The following ROBO1 variants were observed in gnomAD, a reference collection of about 807,000 sequenced individuals.
ROBO1 encodes roundabout guidance receptor 1.
In ROBO1, 149 loss-of-function variants were observed where a neutral mutation model predicts 195.9. The observed-to-expected ratio is 0.76, with a 90% CI of 0.67 to 0.87. The LOEUF is 0.87. ROBO1 is among the 40% of genes least tolerant of loss of function. The pLI is 0.00. For missense variants in ROBO1, 1,933 were observed against 2,068.3 expected (o/e 0.93, Z 1.27); for synonymous variants, 816 against 733.2 (o/e 1.11, Z -1.82).
chr3:78,800,971 A>C (rs1304776138), intron 4 of ROBO1, among the ~76,000 whole-genome samples: 1 of 152,210 alleles, frequency 6.6e-6, no homozygotes, highest in Non-Finnish European at 1.5e-5. Context: ...TAATCTTAAT[A>C]ATCTATGCTC....
chr3:79,668,393 T>C (rs1946532852), intron 1 of ROBO1, among the ~76,000 whole-genome samples: 1 of 139,650 alleles, frequency 7.2e-6, no homozygotes, highest in African/African-American at 2.7e-5. Context: ...ATTAAGTTTC[T>C]TGACTAGATT....
At chr3:79,616,738 C>T (rs143089391) in intron 1 of ROBO1, among the ~76,000 whole-genome samples, 1,848 of 152,170 alleles carry the variant, frequency 0.012, 23 homozygotes, top group Middle Eastern at 0.02. Context: ...TATGGCATGT[C>T]TTTTGGTACT....
At chr3:79,530,865 T>C (rs1246759635) in intron 2 of ROBO1, among the ~76,000 whole-genome samples, 1 of 151,126 alleles carries the variant, frequency 6.6e-6, no homozygotes, top group Non-Finnish European at 1.5e-5. Context: ...AATGACTTAC[T>C]TATAAGACCC....
chr3:79,217,952 T>TA (rs1452457692), intron 2 of ROBO1, among the ~76,000 whole-genome samples: 1 of 151,874 alleles, frequency 6.6e-6, no homozygotes, highest in Non-Finnish European at 1.5e-5. Flanking sequence ...AAAATTTACT[T>TA]AAAATCTTAT....
In ROBO1 at chr3:78,646,172, C is replaced by A; in HGVS notation, c.2858G>T (p.Gly953Val). The change falls in exon 21 of 31, where the codon GGC (glycine) becomes GTC (valine). Residue 953 changes from glycine (G) to valine (V), a missense_variant. Physicochemically the swap from Gly to Val is moderately radical, Grantham distance 109 (BLOSUM62 -3). Transcript: ENST00000464233. ...CCTCCCTCCACTGCTGACAGCTTCG[C>A]CTCCTCTCTGGTAAGTTACTAGAAT... ...FTPTVTYQRG[G>V]EAVSSGGRPG... is the part of the protein sequence containing the mutation. 6.2e-7 allele frequency: 1 copy of A among 1,606,888 alleles called. No individual in the cohort carries two copies. The highest frequency in any genetic ancestry group is 1.1e-5 in the South Asian group (1 of 90,428).
At chr3:79,596,163 A>G (rs1944163287) in intron 1 of ROBO1, among the ~76,000 whole-genome samples, 1 of 152,058 alleles carries the variant, frequency 6.6e-6, no homozygotes, top group Non-Finnish European at 1.5e-5. Flanking sequence ...GTTTTGTGAA[A>G]ATTAAGAATG....
chr3:79,678,441 T>C (rs550042115), intron 1 of ROBO1, among the ~76,000 whole-genome samples: 1 of 152,140 alleles, frequency 6.6e-6, no homozygotes, highest in African/African-American at 2.4e-5. Context: ...TCTTTTCAAA[T>C]AGATAAAATA....
chr3:79,464,768 A>G (rs1357269702), intron 2 of ROBO1, among the ~76,000 whole-genome samples: 1 of 152,046 alleles, frequency 6.6e-6, no homozygotes, highest in Non-Finnish European at 1.5e-5. Flanking sequence ...ATTTTTTGTC[A>G]CTTATGTGCT....
chr3:78,836,151 G>A (rs1482008809), intron 4 of ROBO1, among the ~76,000 whole-genome samples: 4 of 152,068 alleles, frequency 2.6e-5, no homozygotes, highest in South Asian at 2.1e-4. Context: ...TCATATTCCA[G>A]TTATAAGAAA....
chr3:78,602,660 A>G (rs1015079438), intron 29 of ROBO1, among the ~76,000 whole-genome samples: 2 of 152,160 alleles, frequency 1.3e-5, no homozygotes, highest in Admixed American at 6.5e-5. Context: ...GTAACACGTC[A>G]TTAATACATT....
At chr3:79,054,283 C>T (rs1398579858) in intron 3 of ROBO1, among the ~76,000 whole-genome samples, 1 of 152,126 alleles carries the variant, frequency 6.6e-6, no homozygotes, top group Non-Finnish European at 1.5e-5. Flanking sequence ...GGCCAAGCTC[C>T]TGTTTCTTTT....
intron 3 of ROBO1, among the ~76,000 whole-genome samples, chr3:78,964,568 C>G (rs57432814): frequency 0.15 from 22,775 of 152,040 alleles, 2,554 homozygotes; most frequent in African/African-American, 0.32. Context: ...TTCAGAAGTA[C>G]AGTGACATGA....
At chr3:78,700,723 G>C (rs2081399463) in intron 8 of ROBO1, among the ~76,000 whole-genome samples, 1 of 151,808 alleles carries the variant, frequency 6.6e-6, no homozygotes, top group Admixed American at 6.6e-5. Context: ...AGGTAAGACA[G>C]GGAGTATTGG....
chr3:79,191,853 C>A (rs1049328954), intron 2 of ROBO1, among the ~76,000 whole-genome samples: 2 of 151,392 alleles, frequency 1.3e-5, no homozygotes, highest in African/African-American at 4.8e-5. Flanking sequence ...GTTTTAAGGT[C>A]TCTTGGTACA....
intron 1 of ROBO1, among the ~76,000 whole-genome samples, chr3:79,740,230 T>TATATAA (rs1703578552): frequency 3.1e-5 from 1 of 32,532 alleles, no homozygotes; most frequent in African/African-American, 9.5e-5. Flanking sequence ...TATAAATTTA[T>TATATAA]ATATAAATAT....
At chr3:79,241,152 A>C (rs1369978263) in intron 2 of ROBO1, among the ~76,000 whole-genome samples, 1 of 152,172 alleles carries the variant, frequency 6.6e-6, no homozygotes, top group Non-Finnish European at 1.5e-5. Context: ...TATAAAATTA[A>C]ATCAAAATCA....
chr3:78,838,315 C>T (rs769852849), intron 4 of ROBO1, among the ~76,000 whole-genome samples: 3 of 152,206 alleles, frequency 2.0e-5, no homozygotes, highest in Non-Finnish European at 2.9e-5. Context: ...AGGATGAATA[C>T]ATGACCAACA....
intron 2 of ROBO1, among the ~76,000 whole-genome samples, chr3:79,338,614 C>T (rs931176625): frequency 6.6e-6 from 1 of 152,154 alleles, no homozygotes; most frequent in Admixed American, 6.5e-5. Flanking sequence ...ATTTTCTTCA[C>T]TTGAATGCTA....
intron 21 of ROBO1, among the ~76,000 whole-genome samples, chr3:78,644,178 T>C (rs1559687938): frequency 6.6e-6 from 1 of 152,122 alleles, no homozygotes; most frequent in Non-Finnish European, 1.5e-5. Flanking sequence ...TGGCTAGGAA[T>C]GAGGCCCCTT....
Sources: gnomAD v4.1 joint callset for allele counts (sites outside exome capture counted in the v4.1 genomes callset) on GRCh38, gnomAD v4.1.1 for gene constraint, MANE v1.5 for transcripts, NCBI Gene and HGNC (gene_info 2026-07-23, HGNC 2026-07-21) for gene names.